The following RNF216 variants were observed in gnomAD, a reference collection of about 807,000 sequenced individuals.
RNF216 encodes the protein ring finger protein 216.
Under a neutral mutation model 110.8 loss-of-function variants are expected in RNF216, and 72 were observed. The observed-to-expected ratio is 0.65, with a 90% CI of 0.54 to 0.79. The LOEUF (loss-of-function observed/expected upper bound fraction) is 0.79. RNF216 is among the 30% of genes least tolerant of loss of function. The pLI is 0.00. For synonymous variants in RNF216, 495 were observed against 407.5 expected (o/e 1.21, Z -2.59); for missense variants, 1,342 against 1,141.2 (o/e 1.18, Z -2.54).
intron 1 of RNF216, among the ~76,000 whole-genome samples, chr7:5,764,164 G>C (rs999675054): frequency 2.6e-5 from 4 of 151,322 alleles, no homozygotes; most frequent in African/African-American, 9.7e-5. Flanking sequence ...TTGCACTCCA[G>C]GTTGGGAGAC....
At chr7:5,703,061 G>A (rs757915996) in intron 13 of RNF216, among the ~76,000 whole-genome samples, 3 of 152,184 alleles carry the variant, frequency 2.0e-5, no homozygotes, top group Non-Finnish European at 4.4e-5. Context: ...TCTGAAGAAA[G>A]TGACTCACCT....
At chr7:5,636,295 G>GT (rs1787392820) in intron 15 of RNF216, among the ~76,000 whole-genome samples, 2 of 152,238 alleles carry the variant, frequency 1.3e-5, no homozygotes, top group South Asian at 4.2e-4. Context: ...TTCGCTTCTG[G>GT]TTTTTTGCTT....
At chr7:5,639,603 G>T (rs189744325) in intron 15 of RNF216, among the ~76,000 whole-genome samples, 44 of 151,672 alleles carry the variant, frequency 2.9e-4, no homozygotes, top group Non-Finnish European at 5.7e-4. Context: ...TGGTATTACA[G>T]GCATCCAACA....
intron 15 of RNF216, among the ~76,000 whole-genome samples, chr7:5,633,401 C>T (rs909491607): frequency 3.3e-5 from 5 of 152,064 alleles, no homozygotes; most frequent in African/African-American, 1.2e-4. Context: ...CACGGTGAAA[C>T]CCCGTCTCTA....
At chr7:5,734,165 G>C (rs920719189) in intron 5 of RNF216, among the ~76,000 whole-genome samples, 2 of 152,158 alleles carry the variant, frequency 1.3e-5, no homozygotes, top group Non-Finnish European at 2.9e-5. Flanking sequence ...ACAAGCAGGA[G>C]AATGTTCACA....
Position 5,677,413 on chromosome 7 carries a change from C to T in RNF216, c.2062-24903G>A, listed in dbSNP as rs143322831. On this transcript the variant is annotated intron_variant, in intron 13 of 16. Coordinates refer to ENST00000389902, the MANE Select transcript of RNF216 (RefSeq NM_207111.4). ...GAACCATATTCTTTTGGTTTTCTTG[C>T]CATTTTCTCAGGCTTTCCTCTATAA... 7.0e-4 allele frequency among the ~76,000 whole-genome samples: 107 copies of T among 152,230 alleles called. 1 individual carries two copies. The Middle Eastern group carries it at 0.014, about 19-fold the overall frequency.
intron 13 of RNF216, among the ~76,000 whole-genome samples, chr7:5,678,624 C>T (rs1050115372): frequency 6.6e-5 from 10 of 152,182 alleles, no homozygotes; most frequent in East Asian, 1.9e-4. Context: ...ATAAGGAGGC[C>T]GGCACTCGTA....
intron 13 of RNF216, among the ~76,000 whole-genome samples, chr7:5,668,537 T>C (rs188227891): frequency 6.6e-6 from 1 of 152,278 alleles, no homozygotes; most frequent in Admixed American, 6.5e-5. Flanking sequence ...AGCGGACTTT[T>C]AATCTTTCCC....
chr7:5,658,737 T>G (rs1788907842), intron 13 of RNF216, among the ~76,000 whole-genome samples: 1 of 152,098 alleles, frequency 6.6e-6, no homozygotes. Flanking sequence ...CATTACACCC[T>G]TTTAAATTTT....
At chr7:5,777,277 T>G (rs1436744873) in intron 1 of RNF216, among the ~76,000 whole-genome samples, 2 of 152,208 alleles carry the variant, frequency 1.3e-5, no homozygotes, top group African/African-American at 4.8e-5. Context: ...TTCATAAAAC[T>G]GTCAACAAAC....
At position 5,624,803 on chromosome 7, in the gene RNF216, G is replaced by A. The variant is rs1056832386; in HGVS notation, c.2383-678C>T. 1.3e-5 allele frequency among the ~76,000 whole-genome samples: 2 copies of A among 152,260 alleles called. No homozygotes were observed. The highest frequency in any genetic ancestry group is 2.9e-5 in the Non-Finnish European group (2 of 68,048). ...AGAGGCACTGTGAGTGCAGGCAGAT[G>A]TGGGAGCTGTGCTGGGAAACTCAGG... On this transcript the variant is annotated intron_variant, in intron 15 of 16. Coordinates refer to ENST00000389902, the MANE Select transcript of RNF216 (RefSeq NM_207111.4). The surrounding 1 kb of genome is among the most constrained non-coding windows in gnomAD (Gnocchi z 4.4).
chr7:5,691,225 G>T (rs963479236), intron 13 of RNF216, among the ~76,000 whole-genome samples: 4 of 152,186 alleles, frequency 2.6e-5, no homozygotes, highest in African/African-American at 9.7e-5. Context: ...CATGGTGAAG[G>T]GGAGACAAGC....
chr7:5,664,257 T>C (rs1366359762), intron 13 of RNF216, among the ~76,000 whole-genome samples: 1 of 152,210 alleles, frequency 6.6e-6, no homozygotes, highest in Non-Finnish European at 1.5e-5. Flanking sequence ...CCAAGTATTT[T>C]ATGAGAAAAT....
chr7:5,701,876 C>T (rs1298405587), intron 13 of RNF216, among the ~76,000 whole-genome samples: 1 of 152,198 alleles, frequency 6.6e-6, no homozygotes, highest in East Asian at 1.9e-4. Context: ...CAGCAAAAGA[C>T]GTGTCCCAAA....
At chr7:5,760,533 A>G in intron 2 of RNF216, 1 of 326,674 alleles carries the variant, frequency 3.1e-6, no homozygotes. Context: ...AAAAAAAAAA[A>G]ACAAAACAAA....
chr7:5,693,165 T>C (rs1316545845), intron 13 of RNF216, among the ~76,000 whole-genome samples: 1 of 152,250 alleles, frequency 6.6e-6, no homozygotes, highest in Non-Finnish European at 1.5e-5. Context: ...CTCTGCCAAT[T>C]TTTGTAAATA....
chr7:5,741,383 G>C lies in RNF216; in HGVS notation c.634C>G (p.Leu212Val), dbSNP rs569475289. The change falls in exon 4 of 17, where the codon CTA (leucine) becomes GTA (valine). Residue 212 changes from leucine (L) to valine (V), a missense_variant. Leu to Val is a conservative substitution (Grantham distance 32). Transcript: ENST00000389902. The stretch of plus-strand genomic sequence containing the variant: ...TCTGCTAGAGCAGCTGACTCTCCTA[G>C]ATTTGATAACAGCTCTGTCTCTGAG... ...EDSETELLSNLGESAALADDQ... is the reference protein window; with the variant it reads ...EDSETELLSNVGESAALADDQ... 5.6e-6 allele frequency: 9 copies of C among 1,614,188 alleles called. No individual in the cohort carries two copies. The South Asian group carries it at 9.9e-5, about 18-fold the overall frequency.
In RNF216 at chr7:5,621,935, C is replaced by T. The variant is rs1786390681; in HGVS notation, c.*925G>A. On this transcript the variant is annotated 3_prime_UTR_variant, in exon 17 of 17. Transcript: ENST00000389902. ...ACCTGCCTTCAGCAACCACTGAGAACACCCGGGGCACACACGGGGCAGGGG... is the reference window on the plus strand; with the variant it reads ...ACCTGCCTTCAGCAACCACTGAGAATACCCGGGGCACACACGGGGCAGGGG... The T allele has an allele frequency of 6.6e-6, 1 of 152,558 alleles. No individual in the cohort carries two copies. 9.5% of individuals were successfully genotyped at this position (152,558 alleles called of 1,614,324 possible).
At chr7:5,671,896 C>G (rs965169139) in intron 13 of RNF216, among the ~76,000 whole-genome samples, 1 of 151,710 alleles carries the variant, frequency 6.6e-6, no homozygotes, top group Non-Finnish European at 1.5e-5. Flanking sequence ...GAAGACAGTC[C>G]TCTGCAAGCC....
Sources: gnomAD v4.1 joint callset for allele counts (sites outside exome capture counted in the v4.1 genomes callset) on GRCh38, gnomAD v4.1.1 for gene constraint, Gnocchi (gnomAD v3.1) non-coding constraint, MANE v1.5 for transcripts, NCBI Gene and HGNC (gene_info 2026-07-23, HGNC 2026-07-21) for gene names.